The following GABRB1 variants were observed in gnomAD, a reference collection of about 807,000 sequenced individuals.
The protein encoded by GABRB1 is gamma-aminobutyric acid type A receptor subunit beta1, also known as gamma-aminobutyric acid receptor subunit beta-1.
In GABRB1, 17 loss-of-function variants were observed where a neutral mutation model predicts 51.6. That is an observed-to-expected ratio of 0.33 (90% CI 0.23 to 0.49). The LOEUF (loss-of-function observed/expected upper bound fraction) is 0.49. Among genes scored for constraint, GABRB1 ranks in the 20% least tolerant of loss-of-function variants. The probability of loss-of-function intolerance (pLI) is 0.99; values close to 1 mark genes in which losing one functional copy is unlikely to be tolerated. For missense variants in GABRB1, 410 were observed against 600.6 expected, an observed-to-expected ratio of 0.68 and a Z score of 3.32; for synonymous variants, 247 against 218.9, an observed-to-expected ratio of 1.13 and a Z score of -1.14.
chr4:47,161,590 A>T (rs1488925138), intron 4 of GABRB1, 121 bp downstream of exon 4: 3 of 734,124 alleles, frequency 4.1e-6, no homozygotes, highest in Admixed American at 2.6e-5. Flanking sequence ...ATGGGGTGTC[A>T]TATACTTATG....
chr4:47,060,022 T>A (rs575113933), intron 3 of GABRB1, among the ~76,000 whole-genome samples: 9 of 152,328 alleles, frequency 5.9e-5, no homozygotes, highest in African/African-American at 2.2e-4. Context: ...GACTCATCAA[T>A]CACTCATGTC....
chr4:47,108,040 T>A (rs1715044749), intron 3 of GABRB1, among the ~76,000 whole-genome samples: 1 of 152,100 alleles, frequency 6.6e-6, no homozygotes, highest in African/African-American at 2.4e-5. Context: ...ATATCTCCTC[T>A]CATTTCCAAT....
At chr4:47,299,192 G>A (rs546142924) in intron 4 of GABRB1, among the ~76,000 whole-genome samples, 2 of 152,326 alleles carry the variant, frequency 1.3e-5, no homozygotes, top group Admixed American at 1.3e-4. Context: ...AGGACTTCAT[G>A]TCTAAAACAC....
chr4:47,272,964 T>G (rs73133911), intron 4 of GABRB1, among the ~76,000 whole-genome samples: 1,610 of 117,540 alleles, frequency 0.014, 30 homozygotes, highest in African/African-American at 0.051. Flanking sequence ...CTAGATGATG[T>G]GAACCGTTAC....
intron 5 of GABRB1, among the ~76,000 whole-genome samples, chr4:47,332,951 C>T (rs1036203328): frequency 6.6e-6 from 1 of 151,508 alleles, no homozygotes; most frequent in Non-Finnish European, 1.5e-5. Context: ...CTCTAAAGTG[C>T]ATGCCTTGAA....
intron 5 of GABRB1, among the ~76,000 whole-genome samples, chr4:47,334,838 C>G (rs893793307): frequency 6.6e-6 from 1 of 152,124 alleles, no homozygotes; most frequent in African/African-American, 2.4e-5. Context: ...GATTCAAGGT[C>G]ATAATTGTGG....
intron 5 of GABRB1, among the ~76,000 whole-genome samples, chr4:47,329,699 T>C (rs1725397163): frequency 6.7e-6 from 1 of 148,746 alleles, no homozygotes; most frequent in African/African-American, 2.4e-5. Flanking sequence ...TCTCTATATA[T>C]AGATATCATA....
chr4:46,998,928 T>TTG (rs916612006), intron 1 of GABRB1, among the ~76,000 whole-genome samples: 1 of 151,924 alleles, frequency 6.6e-6, no homozygotes, highest in African/African-American at 2.4e-5. Flanking sequence ...AGAGCAGTGA[T>TTG]TGTGTGTGTG....
intron 4 of GABRB1, among the ~76,000 whole-genome samples, chr4:47,204,181 A>G (rs577363150): frequency 9.9e-5 from 15 of 152,284 alleles, no homozygotes; most frequent in African/African-American, 3.6e-4. Flanking sequence ...GTTCTATCAC[A>G]TCGAGTCTGG....
rs577458010 is a variant in GABRB1 at position 47,318,787 on chromosome 4, T to C, written c.462-1340T>C. On this transcript the variant is annotated intron_variant, in intron 4 of 8. Coordinates refer to ENST00000295454, the MANE Select transcript of GABRB1 (RefSeq NM_000812.4). Reference sequence around the variant, plus strand: ...TGAGTCCACATTTACAAGTTTTTGATTCACTTTTGAATTGACAAAGAACTT... The same window carrying C: ...TGAGTCCACATTTACAAGTTTTTGACTCACTTTTGAATTGACAAAGAACTT... Among the ~76,000 whole-genome samples, 14 of 152,276 alleles carry C rather than the reference T, an allele frequency of 9.2e-5. 1 individual carries two copies. Among genetic ancestry groups the C allele is most frequent in the Admixed American group, 5.9e-4 (9 of 15,294 alleles).
chr4:47,328,763 G>A (rs1031342772), intron 5 of GABRB1, among the ~76,000 whole-genome samples: 4 of 151,716 alleles, frequency 2.6e-5, no homozygotes, highest in African/African-American at 9.7e-5. Flanking sequence ...ACTGGGGCCT[G>A]TTGTGGGGAG....
intron 3 of GABRB1, among the ~76,000 whole-genome samples, chr4:47,083,829 A>T (rs374137550): frequency 1.3e-5 from 2 of 151,986 alleles, no homozygotes; most frequent in East Asian, 1.9e-4. Context: ...CCAGATCTCT[A>T]CTCATCTATT....
chr4:47,114,125 C>T (rs1200307996), intron 3 of GABRB1, among the ~76,000 whole-genome samples: 1 of 152,168 alleles, frequency 6.6e-6, no homozygotes, highest in Non-Finnish European at 1.5e-5. Flanking sequence ...CAGAATCATG[C>T]GTTATTCCCG....
intron 3 of GABRB1, among the ~76,000 whole-genome samples, chr4:47,064,012 G>A (rs375036723): frequency 6.6e-5 from 10 of 152,142 alleles, no homozygotes; most frequent in East Asian, 3.9e-4. Flanking sequence ...ACAAAACTGC[G>A]CATCCTGCAC....
At chr4:47,270,507 C>CT (rs1722831992) in intron 4 of GABRB1, among the ~76,000 whole-genome samples, 1 of 152,176 alleles carries the variant, frequency 6.6e-6, no homozygotes, top group South Asian at 2.1e-4. Flanking sequence ...CTGTTGCTTT[C>CT]TGTTGTGGAG....
chr4:47,220,481 G>A (rs1720726670), intron 4 of GABRB1, among the ~76,000 whole-genome samples: 1 of 151,772 alleles, frequency 6.6e-6, no homozygotes, highest in Admixed American at 6.6e-5. Flanking sequence ...TCTACAAATG[G>A]TTCCCAAATA....
rs578161025 is a variant in GABRB1 at position 47,019,735 on chromosome 4, C to T, written c.-19-12179C>T. Among the ~76,000 whole-genome samples the T allele has an allele frequency of 1.0e-3, 150 of 144,404 alleles. 1 individual carries two copies. Among genetic ancestry groups the T allele is most frequent in the African/African-American group, 3.2e-3 (125 of 38,866 alleles). The allele number at this position is 144,404 out of a possible 152,430, so 94.7% of individuals were successfully genotyped here. A position where few individuals can be genotyped will look rare whatever the true frequency, so the allele number is the denominator to read the frequency against. ...CTTTCCTTCTTCTTTCCTTCTTTCA[C>T]GGGCTCTCACTTTGTTGCCCAGGCT... On this transcript the variant is annotated intron_variant, in intron 1 of 3. Coordinates refer to the GABRB1 transcript ENST00000513567.
At chr4:46,996,683 C>T (rs1724008695) in intron 1 of GABRB1, among the ~76,000 whole-genome samples, 1 of 152,112 alleles carries the variant, frequency 6.6e-6, no homozygotes, top group Admixed American at 6.5e-5. Flanking sequence ...AAATCTCTAT[C>T]CCATTTTATA....
chr4:47,203,409 T>TTATTTCCC (rs1293420810), intron 4 of GABRB1, among the ~76,000 whole-genome samples: 3 of 151,868 alleles, frequency 2.0e-5, no homozygotes, highest in African/African-American at 7.3e-5. Flanking sequence ...GGAGAGTCCA[T>TTATTTCCC]TATTTCCCTT....
Sources: allele counts gnomAD v4.1 joint callset (sites outside exome capture counted in the v4.1 genomes callset), GRCh38; gene constraint gnomAD v4.1.1; transcripts MANE v1.5; gene names NCBI Gene and HGNC (gene_info 2026-07-23, HGNC 2026-07-21).